Variants in MASP2 observed in about 807,000 individuals in gnomAD.
MASP2 encodes the protein MBL associated serine protease 2.
A neutral mutation model predicts 57.1 loss-of-function variants in MASP2; 49 were observed. That is an observed-to-expected ratio of 0.86 (90% CI 0.68 to 1.09). MASP2 has a LOEUF of 1.09. Ranked by LOEUF, MASP2 falls within the 50% of genes least tolerant of loss-of-function variation. The pLI is 0.00. For synonymous variants in MASP2, 379 were observed against 340.8 expected, an observed-to-expected ratio of 1.11 and a Z score of -1.24; for missense variants, 900 against 874.8, an observed-to-expected ratio of 1.03 and a Z score of -0.36.
At chr1:11,040,326 G>T (rs1638386382) in intron 6 of MASP2, among the ~76,000 whole-genome samples, 1 of 152,132 alleles carries the variant, frequency 6.6e-6, no homozygotes, top group Non-Finnish European at 1.5e-5. Flanking sequence ...AAAATTAGCT[G>T]GGCATGGTGG....
rs1284433519 is a variant in MASP2 at position 11,047,073 on chromosome 1, AG to A, written c.51del (p.Leu18TrpfsTer32). 3.2e-6 allele frequency: 5 copies of A among 1,550,448 alleles called. No homozygotes were observed. The South Asian group carries it at 5.9e-5, about 18-fold the overall frequency. ...LGLLCGSVAT[P>X]LGPKWPEPVF... is the part of the protein sequence containing the mutation. The stretch of plus-strand genomic sequence containing the variant: ...ACAGGTTCAGGCCACTTCGGGCCCA[AG>A]GGGGTGGCCACCGAGCCACACAGAA... On this transcript the variant is annotated frameshift_variant, in exon 2 of 11. Transcript: ENST00000400897. LOFTEE classifies it high-confidence loss of function.
rs764562810 is a variant in MASP2 at position 11,045,496 on chromosome 1, G to A, written c.456C>T (p.Cys152=). ...CCAGGTGGTTGTGGCAGTGGTGGTC[G>A]CAGGTGGGCGCCTCTCCCGGGGCCA... ...CQVAPGEAPT[C]DHHCHNHLGG... Residue 152 remains cysteine (C), a synonymous_variant, in exon 4 of 11, where the codon TGC becomes TGT. Transcript: ENST00000400897. 11 of 1,609,648 alleles carry A rather than the reference G, an allele frequency of 6.8e-6. No homozygotes were observed. Among genetic ancestry groups the A allele is most frequent in the Non-Finnish European group, 9.3e-6 (11 of 1,178,986 alleles).
rs1352461803 is a variant in MASP2, at chr1:11,027,332, C to G, written c.1614G>C (p.Leu538Phe). The change falls in exon 11 of 11, where the codon TTG becomes TTC. Residue 538 changes from leucine (L) to phenylalanine (F), a missense_variant. By Grantham distance (22) the Leu-to-Phe change is conservative. Coordinates refer to ENST00000400897, the MANE Select transcript of MASP2 (RefSeq NM_006610.4). ...GFDNDIALIKLNNKVVINSNI... is the reference protein window; with the variant it reads ...GFDNDIALIKFNNKVVINSNI... ...TGCTATTGATTACAACTTTGTTATTCAATTTAATCAGTGCTATGTCATTGT... is the reference window on the plus strand; with the variant it reads ...TGCTATTGATTACAACTTTGTTATTGAATTTAATCAGTGCTATGTCATTGT... 6.2e-7 allele frequency: 1 copy of G among 1,613,986 alleles called. No homozygotes were observed.
At position 11,030,770 on chromosome 1, in the gene MASP2, G is replaced by A. The variant is rs1162139883; in HGVS notation, c.1200C>T (p.Phe400=). Residue 400 remains phenylalanine (F), a synonymous_variant, in exon 9 of 11, where the codon TTC becomes TTT. Transcript: ENST00000400897. ...AVIQYSCEET[F]YTMKVNDGKY... is the part of the protein sequence containing the mutation. ...TACCATCATTCACTTTCATTGTGTAGAAGGTCTCTTCACAGCTGTACTGAA... is the reference window on the plus strand; with the variant it reads ...TACCATCATTCACTTTCATTGTGTAAAAGGTCTCTTCACAGCTGTACTGAA... The A allele has an allele frequency of 6.2e-7, 1 of 1,611,530 alleles. No individual in the cohort carries two copies. Among genetic ancestry groups the A allele is most frequent in the African/African-American group, 1.3e-5 (1 of 74,932 alleles).
intron 4 of MASP2, among the ~76,000 whole-genome samples, chr1:11,044,025 C>T (rs115238022): frequency 0.02 from 2,981 of 152,202 alleles, 111 homozygotes; most frequent in African/African-American, 0.069. Flanking sequence ...AGGGCCCCTT[C>T]GGAGCTCCCC....
intron 9 of MASP2, 97 bp downstream of exon 9, chr1:11,030,651 T>C (rs770433768): frequency 6.5e-6 from 9 of 1,377,808 alleles, no homozygotes; most frequent in Non-Finnish European, 8.7e-6. Flanking sequence ...ATCTTTTGTC[T>C]AGCCTTAGCC....
intron 8 of MASP2, among the ~76,000 whole-genome samples, chr1:11,031,583 C>G (rs1643847294): frequency 7.1e-6 from 1 of 141,094 alleles, no homozygotes; most frequent in Non-Finnish European, 1.5e-5. Context: ...GGCACAGGTT[C>G]AATGTAAAAG....
intron 10 of MASP2, among the ~76,000 whole-genome samples, chr1:11,028,685 C>T (rs1303970700): frequency 7.0e-6 from 1 of 143,628 alleles, no homozygotes; most frequent in Non-Finnish European, 1.5e-5. Flanking sequence ...TAATATATTA[C>T]TATCTTTCTG....
At chr1:11,045,113 C>A in intron 4 of MASP2, 1 of 771,974 alleles carries the variant, frequency 1.3e-6, no homozygotes, top group South Asian at 1.6e-5. Context: ...GGAACGAGGG[C>A]TAGATACCCC....
chr1:11,027,636 G>A lies in MASP2; in HGVS notation c.1310C>T (p.Ser437Leu), dbSNP rs372402760. 1.0e-5 allele frequency: 16 copies of A among 1,604,450 alleles called. No homozygotes were observed. The highest frequency in any genetic ancestry group is 1.4e-5 in the Non-Finnish European group (16 of 1,175,270). ...LPVCEPVCGL[S>L]ARTTGGRIYG... ...TATACGCCCTCCTGTTGTGCGGGCT[G>A]ATAGTCCACAAACTGGAGAAAGAAG... is the stretch of plus-strand genomic sequence containing the variant. Residue 437 changes from serine to leucine, a missense_variant, in exon 11 of 11, where the codon TCA becomes TTA. Transcript: ENST00000400897.
At chr1:11,035,971 T>C (rs1280745548) in intron 7 of MASP2, among the ~76,000 whole-genome samples, 1 of 151,228 alleles carries the variant, frequency 6.6e-6, no homozygotes, top group Non-Finnish European at 1.5e-5. Context: ...GACTTGCAAG[T>C]GTGTCTGTGT....
In MASP2 at chr1:11,043,675, C is replaced by A. The variant is rs981173952; in HGVS notation, c.545-140G>T. 7.7e-5 allele frequency: 50 copies of A among 645,472 alleles called. No homozygotes were observed. The Admixed American group carries it at 1.0e-3, about 14-fold the overall frequency. The allele number at this position is 645,472 out of a possible 1,614,324, so 40.0% of individuals were successfully genotyped here. ...ATCTGCATCCCTGGGTTGGGCTGGG[C>A]CCTGCAGGTGGCCAGCCCCTGAGGC... On this transcript the variant is annotated intron_variant, in intron 4 of 10. Transcript: ENST00000400897.
At position 11,027,184 on chromosome 1, in the gene MASP2, C is replaced by A. The variant is rs777919479; in HGVS notation, c.1762G>T (p.Val588Phe). 3 of 1,614,078 alleles carry A rather than the reference C, an allele frequency of 1.9e-6. No individual in the cohort carries two copies. In the Admixed American group the frequency reaches 5.0e-5, roughly 27 times the overall value. ...RGFLARNLMY[V>F]DIPIVDHQKC... ...TGATGGTCAACAATCGGTATGTCGACATACATTAGATTTCTAGCAAGAAAA... is the reference window on the plus strand; with the variant it reads ...TGATGGTCAACAATCGGTATGTCGAAATACATTAGATTTCTAGCAAGAAAA... Residue 588 changes from valine (V) to phenylalanine (F), a missense_variant, in exon 11 of 11, where the codon GTC becomes TTC. Physicochemically the swap from Val to Phe is conservative, Grantham distance 50. Transcript: ENST00000400897.
Position 11,046,645 on chromosome 1 carries a change from G to C in MASP2, c.323C>G (p.Ser108Trp). The change falls in exon 3 of 11, where the codon TCG becomes TGG. Residue 108 changes from serine (S) to tryptophan (W), a missense_variant. Ser to Trp is a radical substitution (Grantham distance 177). Coordinates refer to ENST00000400897, the MANE Select transcript of MASP2 (RefSeq NM_006610.4). ...GGTAATGTCCAGGCTGGAGCCCAGC[G>C]AGTAGAAAGTGTCCTTGCCAGGGGC... ...ERAPGKDTFY[S>W]LGSSLDITFR... 1 of 1,613,634 alleles carries C rather than the reference G, an allele frequency of 6.2e-7. No individual in the cohort carries two copies. The highest frequency in any genetic ancestry group is 1.3e-5 in the African/African-American group (1 of 75,084).
chr1:11,036,510 C>CAAAAAAA (rs35642467), intron 7 of MASP2, among the ~76,000 whole-genome samples: 36 of 54,346 alleles, frequency 6.6e-4, no homozygotes, highest in South Asian at 1.3e-3. Context: ...GACTCCGTCT[C>CAAAAAAA]AAAAAAAAAA....
chr1:11,039,328 TGGTGGATGGATG>T (rs1638342073), intron 6 of MASP2, among the ~76,000 whole-genome samples: 1 of 146,374 alleles, frequency 6.8e-6, no homozygotes, highest in Non-Finnish European at 1.5e-5. Flanking sequence ...GATGGAAGGA[TGGTGGATGGATG>T]GATGGATGGA....
At chr1:11,031,901 T>A (rs1168369965) in intron 8 of MASP2, among the ~76,000 whole-genome samples, 3 of 152,058 alleles carry the variant, frequency 2.0e-5, no homozygotes, top group Admixed American at 6.6e-5. Context: ...TGATAGAGAC[T>A]TTGTCTCCAA....
In MASP2 at chr1:11,027,658, G is replaced by C; in HGVS notation, c.1298-10C>G. The C allele has an allele frequency of 6.3e-7, 1 of 1,588,040 alleles. No homozygotes were observed. The highest frequency in any genetic ancestry group is 8.6e-7 in the Non-Finnish European group (1 of 1,167,714). ...GCTGATAGTCCACAAACTGGAGAAA[G>C]AAGCAGATAGGTAGAGAGCCTTTGT... On this transcript the variant is annotated splice_polypyrimidine_tract_variant and intron_variant, in intron 10 of 10. Coordinates refer to ENST00000400897, the MANE Select transcript of MASP2 (RefSeq NM_006610.4).
intron 7 of MASP2, 130 bp from the exon 8 acceptor site, chr1:11,035,036 T>C (rs1314126728): frequency 4.9e-6 from 3 of 613,550 alleles, no homozygotes; most frequent in Non-Finnish European, 8.5e-6. Flanking sequence ...GCAGCACACA[T>C]GACTAGTATC....
Sources: gnomAD v4.1 joint callset for allele counts (sites outside exome capture counted in the v4.1 genomes callset) on GRCh38, gnomAD v4.1.1 for gene constraint, MANE v1.5 for transcripts, NCBI Gene and HGNC (gene_info 2026-07-23, HGNC 2026-07-21) for gene names.